The following GATAD2B variants were observed in gnomAD, a reference collection of about 807,000 sequenced individuals.
GATAD2B encodes GATA zinc finger domain containing 2B.
A neutral mutation model predicts 64.3 loss-of-function variants in GATAD2B; 8 were observed. The ratio of observed to expected loss-of-function variants is 0.12; its 90% CI spans 0.07 to 0.22. The LOEUF is 0.22. GATAD2B is among the 10% of genes least tolerant of loss of function. The probability of loss-of-function intolerance (pLI) is 1.00; values close to 1 mark genes in which losing one functional copy is unlikely to be tolerated. For missense variants in GATAD2B, 453 were observed against 752.0 expected (o/e 0.60, Z 4.65); for synonymous variants, 281 against 271.3 (o/e 1.04, Z -0.35).
intron 1 of GATAD2B, among the ~76,000 whole-genome samples, chr1:153,831,796 C>T (rs1259265777): frequency 6.6e-6 from 1 of 152,162 alleles, no homozygotes; most frequent in African/African-American, 2.4e-5. Flanking sequence ...ACTGGACATA[C>T]CATGGTAAGT....
chr1:153,897,717 A>C (rs1415760752), intron 1 of GATAD2B, among the ~76,000 whole-genome samples: 2 of 152,232 alleles, frequency 1.3e-5, no homozygotes, highest in African/African-American at 4.8e-5. Context: ...TAATGGATTC[A>C]GATCACCACT....
At chr1:153,840,302 TG>T (rs1293796028) in intron 1 of GATAD2B, among the ~76,000 whole-genome samples, 1 of 151,346 alleles carries the variant, frequency 6.6e-6, no homozygotes, top group African/African-American at 2.4e-5. Flanking sequence ...CCCAAAGTGC[TG>T]GGGTTACAGG....
rs915829907 is a variant in GATAD2B, at chr1:153,805,445, C to T, written c.*4732G>A. On this transcript the variant is annotated 3_prime_UTR_variant, in exon 11 of 11. Transcript: ENST00000368655. ...TTGGCTGTGAGATGGGGCTTGAGGC[C>T]TAGTCCCCGCCCTCAGATGACTAGA... The T allele has an allele frequency of 6.6e-6, 1 of 152,198 alleles. No individual in the cohort carries two copies. Among genetic ancestry groups the T allele is most frequent in the African/African-American group, 2.4e-5 (1 of 41,444 alleles). The allele number at this position is 152,198 out of a possible 1,614,324, so 9.4% of individuals were successfully genotyped here.
At chr1:153,855,233 T>C (rs865893240) in intron 1 of GATAD2B, among the ~76,000 whole-genome samples, 4,814 of 145,392 alleles carry the variant, frequency 0.033, 261 homozygotes, top group African/African-American at 0.11. Flanking sequence ...TTGTTTTTTT[T>C]TTTTGTTGTT....
chr1:153,910,431 C>T (rs1487704935), intron 1 of GATAD2B, among the ~76,000 whole-genome samples: 1 of 152,076 alleles, frequency 6.6e-6, no homozygotes. Flanking sequence ...ATAAGATATC[C>T]AACACTTTAT....
At chr1:153,824,449 A>G (rs1674798851) in intron 2 of GATAD2B, among the ~76,000 whole-genome samples, 1 of 151,994 alleles carries the variant, frequency 6.6e-6, no homozygotes, top group Non-Finnish European at 1.5e-5. Flanking sequence ...CAACATGGCG[A>G]AACCCCATCT....
At chr1:153,833,990 G>A (rs78578555) in intron 1 of GATAD2B, among the ~76,000 whole-genome samples, 7 of 147,360 alleles carry the variant, frequency 4.8e-5, no homozygotes, top group African/African-American at 1.7e-4. Flanking sequence ...TTTTTTTTAT[G>A]TTTTTTTTTG....
chr1:153,869,887 G>C (rs932386635), intron 1 of GATAD2B, among the ~76,000 whole-genome samples: 16 of 152,114 alleles, frequency 1.1e-4, no homozygotes, highest in African/African-American at 3.6e-4. Context: ...AGCACTTTGG[G>C]AGGCTGAGGC....
At chr1:153,912,798 A>G (rs1678143974) in intron 1 of GATAD2B, among the ~76,000 whole-genome samples, 2 of 152,184 alleles carry the variant, frequency 1.3e-5, no homozygotes, top group South Asian at 2.1e-4. Flanking sequence ...TTACGCCTTT[A>G]TAAGACAGGA....
In GATAD2B at chr1:153,920,608, A is replaced by G. The variant is rs543406929; in HGVS notation, c.-2+2125T>C. Among the ~76,000 whole-genome samples the G allele has an allele frequency of 2.0e-5, 3 of 152,316 alleles. No individual in the cohort carries two copies. In the South Asian group the frequency reaches 6.2e-4, roughly 32 times the overall value. ...TAAACAGGAAGTTAACACACATCAC[A>G]TACGGTCAGGGAAGGCAAACCACAG... is the stretch of plus-strand genomic sequence containing the variant. On this transcript the variant is annotated intron_variant, in intron 1 of 10. Transcript: ENST00000368655.
At chr1:153,900,899 T>G (rs757719046) in intron 1 of GATAD2B, among the ~76,000 whole-genome samples, 29 of 151,878 alleles carry the variant, frequency 1.9e-4, no homozygotes, top group Non-Finnish European at 3.2e-4. Flanking sequence ...AATCTCTTGA[T>G]TTTTTTTCAA....
intron 1 of GATAD2B, chr1:153,852,687 T>A: frequency 1.1e-6 from 1 of 915,626 alleles, no homozygotes; most frequent in Non-Finnish European, 1.8e-6. Flanking sequence ...TTGCTTAGCT[T>A]CTTTAACCCT....
At chr1:153,853,015 A>G in intron 1 of GATAD2B, 2 of 1,301,682 alleles carry the variant, frequency 1.5e-6, no homozygotes, top group Non-Finnish European at 2.2e-6. Flanking sequence ...CTTGTCCATC[A>G]ACCCTGTGAT....
intron 1 of GATAD2B, among the ~76,000 whole-genome samples, chr1:153,914,938 A>G (rs1372313318): frequency 2.0e-5 from 3 of 152,134 alleles, no homozygotes; most frequent in African/African-American, 7.2e-5. Context: ...AAAGAAAAAA[A>G]AAAGGCCAGG....
At position 153,811,765 on chromosome 1, in the gene GATAD2B, C is replaced by G; in HGVS notation, c.1614G>C (p.Gln538His). Residue 538 changes from glutamine (Q) to histidine (H), a missense_variant, in exon 10 of 11, where the codon CAG becomes CAC. Gln to His is a conservative substitution (Grantham distance 24, BLOSUM62 0). Around this residue, in one of 2 missense-constraint regions of GATAD2B, gnomAD observed 160 missense variants for 334.7 expected, o/e 0.48. Transcript: ENST00000368655. ...SMLSNFAQAP[Q>H]LSVPGGLLGM... ...CAAGGAGGCCACCTGGCACAGACAA[C>G]TGGGGTGCCTGTGCAAAGTTTGAAA... 1 of 1,611,966 alleles carries G rather than the reference C, an allele frequency of 6.2e-7. No homozygotes were observed. Among genetic ancestry groups the G allele is most frequent in the South Asian group, 1.1e-5 (1 of 90,632 alleles).
At chr1:153,840,234 CA>C (rs1160689755) in intron 1 of GATAD2B, among the ~76,000 whole-genome samples, 1 of 151,308 alleles carries the variant, frequency 6.6e-6, no homozygotes, top group Non-Finnish European at 1.5e-5. Flanking sequence ...GGGGTTTCAC[CA>C]TGTTGTCCAG....
At chr1:153,849,755 T>C (rs923638715) in intron 1 of GATAD2B, among the ~76,000 whole-genome samples, 20 of 152,086 alleles carry the variant, frequency 1.3e-4, no homozygotes, top group African/African-American at 4.1e-4. Flanking sequence ...CTCAGCCTCC[T>C]GAGTAGCTGG....
rs71093290 is a variant in GATAD2B at position 153,828,455 on chromosome 1, TACACAC to T, written c.-1-113_-1-108del. ...TTAACAAGAATCTCTCTCTCACACA[TACACAC>T]ACACACACACACACACACACACACA... On this transcript the variant is annotated intron_variant, in intron 1 of 10. Coordinates refer to ENST00000368655, the MANE Select transcript of GATAD2B (RefSeq NM_020699.4). The T allele has an allele frequency of 0.022, 13,016 of 582,896 alleles. 138 individuals are homozygous for T. The highest frequency in any genetic ancestry group is 0.069 in the African/African-American group (3,555 of 51,830). The allele number at this position is 582,896 out of a possible 1,614,324, so 36.1% of individuals were successfully genotyped here.
At chr1:153,874,901 T>C (rs1676777613) in intron 1 of GATAD2B, among the ~76,000 whole-genome samples, 1 of 151,582 alleles carries the variant, frequency 6.6e-6, no homozygotes, top group Non-Finnish European at 1.5e-5. Flanking sequence ...TGAAACAGGG[T>C]CTTGTTCTGT....
Sources: allele counts gnomAD v4.1 joint callset (sites outside exome capture counted in the v4.1 genomes callset), GRCh38; gene constraint gnomAD v4.1.1; regional missense constraint gnomAD v4.1.1; transcripts MANE v1.5; gene names NCBI Gene and HGNC (gene_info 2026-07-23, HGNC 2026-07-21).